Variants in ZCCHC10 observed in about 807,000 individuals in gnomAD.
The protein encoded by ZCCHC10 is zinc finger CCHC domain-containing protein 10.
ZCCHC10 carries 16 observed loss-of-function variants against 19.5 expected under a neutral mutation model. The ratio of observed to expected loss-of-function variants is 0.82; its 90% CI spans 0.56 to 1.25. ZCCHC10 has a LOEUF of 1.25. ZCCHC10 is among the 50% of genes most tolerant of loss of function. ZCCHC10 has a pLI of 0.00. For missense variants in ZCCHC10, 197 were observed against 201.0 expected (o/e 0.98, Z 0.12); for synonymous variants, 67 against 72.5 (o/e 0.92, Z 0.38).
At chr5:133,007,097 T>C (rs1203333787) in intron 2 of ZCCHC10, among the ~76,000 whole-genome samples, 177 bp from the exon 3 acceptor site, 1 of 152,202 alleles carries the variant, frequency 6.6e-6, no homozygotes, top group Non-Finnish European at 1.5e-5. Flanking sequence ...TGTAATGACA[T>C]GGTTTGGCTG....
chr5:133,026,373 G>T, intron 1 of ZCCHC10, 124 bp downstream of exon 1: 1 of 1,374,780 alleles, frequency 7.3e-7, no homozygotes, highest in African/African-American at 1.4e-5. Flanking sequence ...CCCCCCGGGA[G>T]CCAGAAGAGT....
chr5:132,998,983 T>G, intron 4 of ZCCHC10, 133 bp from the exon 5 acceptor site: 1 of 1,212,906 alleles, frequency 8.2e-7, no homozygotes, highest in Non-Finnish European at 1.1e-6. Context: ...TGGCACAATC[T>G]CAGCTCACTG....
chr5:133,025,170 G>A (rs973040477), intron 1 of ZCCHC10, among the ~76,000 whole-genome samples: 3 of 152,130 alleles, frequency 2.0e-5, no homozygotes, highest in Non-Finnish European at 4.4e-5. Flanking sequence ...AAAAGAGGCA[G>A]ATGTCTGGAT....
chr5:133,016,183 A>G (rs1763907080), intron 2 of ZCCHC10, among the ~76,000 whole-genome samples: 1 of 152,178 alleles, frequency 6.6e-6, no homozygotes, highest in South Asian at 2.1e-4. Context: ...GTGATCTGAT[A>G]ATGTTTGGAG....
intron 2 of ZCCHC10, among the ~76,000 whole-genome samples, chr5:133,020,373 G>A (rs1175930355): frequency 2.0e-5 from 3 of 151,702 alleles, no homozygotes; most frequent in Non-Finnish European, 4.4e-5. Flanking sequence ...GAGCCTGGGA[G>A]GCAGAGGCTG....
At chr5:132,999,617 G>T (rs1032998333) in intron 4 of ZCCHC10, among the ~76,000 whole-genome samples, 1 of 152,104 alleles carries the variant, frequency 6.6e-6, no homozygotes, top group Non-Finnish European at 1.5e-5. Flanking sequence ...CACGTACAAG[G>T]ACTCTAGAAA....
chr5:133,000,205 T>C (rs1762676448), intron 3 of ZCCHC10, 32 bp from the exon 4 acceptor site: 1 of 1,613,138 alleles, frequency 6.2e-7, no homozygotes, highest in Admixed American at 1.7e-5. Flanking sequence ...AAAGCTCCTG[T>C]TAATAGAGTG....
intron 1 of ZCCHC10, 22 bp from the exon 2 acceptor site, chr5:133,022,928 A>C: frequency 1.8e-6 from 1 of 560,716 alleles, no homozygotes; most frequent in South Asian, 2.3e-5. Flanking sequence ...AAATTTAACA[A>C]GGACAAAGGT....
intron 2 of ZCCHC10, among the ~76,000 whole-genome samples, chr5:133,016,711 G>C (rs533368251): frequency 6.0e-4 from 92 of 152,202 alleles, no homozygotes; most frequent in African/African-American, 1.4e-3. Context: ...CCAAAGTGCT[G>C]GGATTATAGG....
chr5:133,024,588 C>G (rs1203311729), intron 1 of ZCCHC10, among the ~76,000 whole-genome samples: 1 of 152,166 alleles, frequency 6.6e-6, no homozygotes, highest in Non-Finnish European at 1.5e-5. Flanking sequence ...GTATCACCAT[C>G]CCATTTTTGA....
chr5:133,010,111 C>T (rs900894693), intron 2 of ZCCHC10, among the ~76,000 whole-genome samples: 3 of 146,562 alleles, frequency 2.0e-5, no homozygotes, highest in East Asian at 2.0e-4. Flanking sequence ...TGTAGTGGCA[C>T]GATCTTGGCT....
Position 133,006,915 on chromosome 5 carries a change from G to T in ZCCHC10, c.113C>A (p.Ala38Glu). The T allele has an allele frequency of 6.2e-7, 1 of 1,601,686 alleles. No individual in the cohort carries two copies. Among genetic ancestry groups the T allele is most frequent in the Non-Finnish European group, 8.5e-7 (1 of 1,175,754 alleles). The part of the protein sequence containing the change: ...LIQPSIVISE[A>E]NKQHVRCQKC... The stretch of plus-strand genomic sequence containing the variant: ...CTGACATCTTACATGTTGCTTATTT[G>T]CTTCACTACAGAACAAAAAACAGAA... Residue 38 changes from alanine to glutamate, a missense_variant, in exon 3 of 5, where the codon GCA (alanine) becomes GAA (glutamate). Transcript: ENST00000509437.
chr5:133,013,061 T>TAAAAAAAAAAAAAAAAAAAAAAAAAAATA (rs368155320), intron 2 of ZCCHC10, among the ~76,000 whole-genome samples: 1 of 113,068 alleles, frequency 8.8e-6, no homozygotes, highest in African/African-American at 3.1e-5. Flanking sequence ...AAAAAAAAAT[T>TAAAAAAAAAAAAAAAAAAAAAAAAAAATA]AAAAAAAAAA....
intron 3 of ZCCHC10, among the ~76,000 whole-genome samples, chr5:133,000,998 C>T (rs1360794513): frequency 6.6e-6 from 1 of 152,068 alleles, no homozygotes; most frequent in African/African-American, 2.4e-5. Flanking sequence ...TGCTCACTCA[C>T]ATTAGTTATA....
intron 3 of ZCCHC10, 57 bp downstream of exon 3, chr5:133,006,702 A>G (rs901926803): frequency 1.2e-5 from 18 of 1,485,690 alleles, no homozygotes; most frequent in Admixed American, 4.6e-5. Context: ...TGGTCCTTTA[A>G]TAAATTCTAT....
intron 2 of ZCCHC10, among the ~76,000 whole-genome samples, chr5:133,022,611 TC>T (rs767283312): frequency 6.6e-6 from 1 of 151,938 alleles, no homozygotes; most frequent in Admixed American, 6.6e-5. Context: ...TGCCACCACA[TC>T]CAGCTAATTT....
rs1762565926 is a variant in ZCCHC10 at position 132,998,607 on chromosome 5, TG to T, written c.554del (p.Pro185HisfsTer17). 1 of 1,613,946 alleles carries T rather than the reference TG, an allele frequency of 6.2e-7. No homozygotes were observed. The highest frequency in any genetic ancestry group is 8.5e-7 in the Non-Finnish European group (1 of 1,180,008). ...TCTATTTCTTTTTCTTCTTCTTTGG[TG>T]GTTCATCGTCAGAGCTGCTATCTGT... is the stretch of plus-strand genomic sequence containing the variant. ...TSTDSSSDDE[P>X]PKKKKKK On this transcript the variant is annotated frameshift_variant, in exon 5 of 5. Transcript: ENST00000509437. LOFTEE classifies it high-confidence loss of function.
intron 2 of ZCCHC10, among the ~76,000 whole-genome samples, chr5:133,008,315 G>T (rs1763266552): frequency 6.7e-6 from 1 of 149,440 alleles, no homozygotes. Context: ...TGAGGCAGGT[G>T]GATCAGGAGG....
At chr5:133,004,657 T>G (rs1232247587) in intron 3 of ZCCHC10, among the ~76,000 whole-genome samples, 1 of 151,798 alleles carries the variant, frequency 6.6e-6, no homozygotes, top group Non-Finnish European at 1.5e-5. Context: ...CCCGGCTGAT[T>G]TTTTGTATCT....
Sources: gnomAD v4.1 joint callset for allele counts (sites outside exome capture counted in the v4.1 genomes callset) on GRCh38, gnomAD v4.1.1 for gene constraint, MANE v1.5 for transcripts, NCBI Gene and HGNC (gene_info 2026-07-23, HGNC 2026-07-21) for gene names.